KIDINS220: variants seen among roughly 807,000 people sequenced by gnomAD.
The protein encoded by KIDINS220 is kinase D interacting substrate 220, also known as kinase D-interacting substrate of 220 kDa.
Under a neutral mutation model 157.6 loss-of-function variants are expected in KIDINS220, and 63 were observed. The observed-to-expected ratio is 0.40, with a 90% CI of 0.33 to 0.49. The LOEUF (loss-of-function observed/expected upper bound fraction) is 0.49, where lower values mean the gene tolerates loss of function less well. KIDINS220 is among the 20% of genes least tolerant of loss of function. KIDINS220 has a pLI of 0.66. For missense variants in KIDINS220, 1,772 were observed against 2,171.2 expected (o/e 0.82, Z 3.65); for synonymous variants, 732 against 783.6 (o/e 0.93, Z 1.10).
intron 11 of KIDINS220, 104 bp from the exon 12 acceptor site, chr2:8,794,091 CTTAT>C (rs904819400): frequency 2.3e-6 from 2 of 884,850 alleles, no homozygotes; most frequent in African/African-American, 1.7e-5. Flanking sequence ...CTGAACTTTT[CTTAT>C]TTTTCATATA....
chr2:8,774,464 G>A (rs184877277), intron 21 of KIDINS220, among the ~76,000 whole-genome samples: 1 of 152,160 alleles, frequency 6.6e-6, no homozygotes, highest in Non-Finnish European at 1.5e-5. Context: ...AACAAAGCAG[G>A]GAACAGGTAA....
At chr2:8,798,354 T>A in intron 9 of KIDINS220, 54 bp from the exon 10 acceptor site, 1 of 975,086 alleles carries the variant, frequency 1.0e-6, no homozygotes, top group Non-Finnish European at 1.6e-6. Context: ...TATTTAAAAC[T>A]GCTACTTATA....
At chr2:8,823,459 T>G (rs977672318) in intron 2 of KIDINS220, among the ~76,000 whole-genome samples, 7 of 150,540 alleles carry the variant, frequency 4.6e-5, no homozygotes, top group Admixed American at 4.6e-4. Context: ...AAATACCAAC[T>G]TTTACACTGA....
chr2:8,747,934 G>C lies in KIDINS220; in HGVS notation c.3481C>G (p.Arg1161Gly). The C allele has an allele frequency of 6.2e-7, 1 of 1,605,800 alleles. No individual in the cohort carries two copies. Among genetic ancestry groups the C allele is most frequent in the East Asian group, 2.3e-5 (1 of 44,172 alleles). Residue 1161 changes from arginine to glycine, a missense_variant, in exon 25 of 30, where the codon CGT becomes GGT. Arg to Gly is a moderately radical substitution (Grantham distance 125). This residue lies in a region of KIDINS220 where 793 missense variants were observed against 885.5 expected (regional missense o/e 0.90). Coordinates refer to ENST00000256707, the MANE Select transcript of KIDINS220 (RefSeq NM_020738.4). ...GGCAAACTCGTTTTTACTGATGGAC[G>C]TGAGATGAGATGTTGGGAGCCGCCA... ...YPGGSQHLIS[R>G]PSVKTSLPRD...
chr2:8,797,144 G>T (rs978347053), intron 10 of KIDINS220, among the ~76,000 whole-genome samples: 1 of 152,140 alleles, frequency 6.6e-6, no homozygotes, highest in Non-Finnish European at 1.5e-5. Flanking sequence ...CCCTACCCCA[G>T]GTTCTACCAC....
chr2:8,806,956 A>G (rs1475144854), intron 6 of KIDINS220, among the ~76,000 whole-genome samples: 1 of 152,284 alleles, frequency 6.6e-6, no homozygotes, highest in Non-Finnish European at 1.5e-5. Context: ...ACAAGCTTTC[A>G]TCGCTTCCCA....
chr2:8,789,281 GAAT>G (rs1672846341), intron 14 of KIDINS220, among the ~76,000 whole-genome samples: 1 of 134,908 alleles, frequency 7.4e-6, no homozygotes, highest in East Asian at 2.2e-4. Flanking sequence ...TTCAGAAAAA[GAAT>G]TTTTTTTTTT....
chr2:8,771,157 T>C lies in KIDINS220; in HGVS notation c.2849-325A>G, dbSNP rs528522205. The stretch of plus-strand genomic sequence containing the variant: ...CACAGTTCAACGCCACCCACGATCA[T>C]TGAGCAGAACATCCATTCACCCACA... On this transcript the variant is annotated intron_variant, in intron 21 of 29. Transcript: ENST00000256707. 6.4e-4 allele frequency among the ~76,000 whole-genome samples: 98 copies of C among 152,288 alleles called. 1 individual carries two copies. The South Asian group carries it at 8.1e-3, about 13-fold the overall frequency.
intron 29 of KIDINS220, 147 bp from the exon 30 acceptor site, chr2:8,732,129 A>C: frequency 3.1e-6 from 2 of 636,814 alleles, no homozygotes; most frequent in South Asian, 4.2e-5. Flanking sequence ...CATAACACAG[A>C]TTAACAAAAG....
intron 22 of KIDINS220, among the ~76,000 whole-genome samples, chr2:8,761,502 T>G (rs981630339): frequency 6.6e-6 from 1 of 152,188 alleles, no homozygotes; most frequent in Non-Finnish European, 1.5e-5. Context: ...TAATTTAAAC[T>G]AATTTGAGGA....
At chr2:8,818,112 A>T (rs1677350503) in intron 3 of KIDINS220, among the ~76,000 whole-genome samples, 1 of 152,236 alleles carries the variant, frequency 6.6e-6, no homozygotes, top group South Asian at 2.1e-4. Context: ...AGCAGACTAC[A>T]GAGATCTCAT....
chr2:8,780,638 G>A (rs1040848126), intron 17 of KIDINS220, among the ~76,000 whole-genome samples: 3 of 151,888 alleles, frequency 2.0e-5, no homozygotes, highest in Non-Finnish European at 4.4e-5. Context: ...GGACGGGAGA[G>A]AGGAATTAGG....
chr2:8,777,429 G>C (rs1671114004), intron 20 of KIDINS220, among the ~76,000 whole-genome samples: 1 of 152,134 alleles, frequency 6.6e-6, no homozygotes, highest in Admixed American at 6.5e-5. Flanking sequence ...CTTCTGAGTA[G>C]CTGGGACTAC....
At chr2:8,732,023 G>A (rs1357050899) in intron 29 of KIDINS220, 41 bp from the exon 30 acceptor site, 2 of 1,476,890 alleles carry the variant, frequency 1.4e-6, no homozygotes, top group South Asian at 1.4e-5. Flanking sequence ...ATTCAAATAA[G>A]AAGAAAAAAG....
Position 8,731,791 on chromosome 2 carries a change from T to C in KIDINS220, c.4245A>G (p.Thr1415=). 1.2e-6 allele frequency: 2 copies of C among 1,614,202 alleles called. No homozygotes were observed. The highest frequency in any genetic ancestry group is 1.6e-4 in the Middle Eastern group (1 of 6,062). The part of the protein sequence containing the change: ...TISGRSSPHS[T]YYMGQSSSGG... ...CTGATGAACTCTGACCCATGTAATATGTGCTATGTGGAGAAGATCTGCCAC... is the reference window on the plus strand; with the variant it reads ...CTGATGAACTCTGACCCATGTAATACGTGCTATGTGGAGAAGATCTGCCAC... The change falls in exon 30 of 30, where the codon ACA becomes ACG. Residue 1415 remains threonine, a synonymous_variant. Transcript: ENST00000256707. This position sits in a 1 kb window ranked among gnomAD's most constrained non-coding sequence, Gnocchi z 5.2.
chr2:8,756,108 A>C (rs945224865), intron 22 of KIDINS220, among the ~76,000 whole-genome samples: 11 of 152,246 alleles, frequency 7.2e-5, no homozygotes, highest in Admixed American at 7.2e-4. Context: ...ACCCATGAGC[A>C]CAGGATGTCT....
rs1671348675 is a variant in KIDINS220, at chr2:8,779,048, C to T, written c.2462G>A (p.Ser821Asn). The T allele has an allele frequency of 4.3e-6, 7 of 1,613,996 alleles. No homozygotes were observed. Among genetic ancestry groups the T allele is most frequent in the Non-Finnish European group, 5.9e-6 (7 of 1,180,030 alleles). ...IIKAINQNLN[S>N]VLRDSNINGH... ...ATTTATATTTGAATCCCGAAGCACA[C>T]TATTGAGGTTCTGGTTAATTGCCTT... Residue 821 changes from serine to asparagine, a missense_variant, in exon 19 of 30, where the codon AGT (serine) becomes AAT (asparagine). Coordinates refer to ENST00000256707, the MANE Select transcript of KIDINS220 (RefSeq NM_020738.4).
At position 8,731,405 on chromosome 2, in the gene KIDINS220, T is replaced by C. The variant is rs779805148; in HGVS notation, c.4631A>G (p.Lys1544Arg). ...CACTCTCTCTACTTTCCCTTCGGCT[T>C]TTCTGTCTTTGTCATCTTTGAGCAG... ...TPLLKDDKDR[K>R]AEGKVERVPK... The change falls in exon 30 of 30, where the codon AAA becomes AGA. Residue 1544 changes from lysine (K) to arginine (R), a missense_variant. By Grantham distance (26) the Lys-to-Arg change is conservative. Transcript: ENST00000256707. This position sits in a 1 kb window ranked among gnomAD's most constrained non-coding sequence, Gnocchi z 5.2. 6.2e-7 allele frequency: 1 copy of C among 1,614,226 alleles called. No individual in the cohort carries two copies. Among genetic ancestry groups the C allele is most frequent in the Non-Finnish European group, 8.5e-7 (1 of 1,180,036 alleles).
At chr2:8,835,499 A>T (rs1473215531) in intron 1 of KIDINS220, among the ~76,000 whole-genome samples, 2 of 152,084 alleles carry the variant, frequency 1.3e-5, no homozygotes, top group Non-Finnish European at 2.9e-5. Flanking sequence ...CAGTTCTGAG[A>T]CAGCCAATCA....
Sources: gnomAD v4.1 joint callset for allele counts (sites outside exome capture counted in the v4.1 genomes callset) on GRCh38, gnomAD v4.1.1 for gene constraint, gnomAD v4.1.1 regional missense constraint, Gnocchi (gnomAD v3.1) non-coding constraint, MANE v1.5 for transcripts, NCBI Gene and HGNC (gene_info 2026-07-23, HGNC 2026-07-21) for gene names.